MEIOB: variants seen among roughly 807,000 people sequenced by gnomAD.
The protein encoded by MEIOB is meiosis-specific with OB domain-containing protein.
MEIOB carries 50 observed loss-of-function variants against 53.1 expected under a neutral mutation model. The observed-to-expected ratio is 0.94, with a 90% CI of 0.75 to 1.19. The LOEUF (loss-of-function observed/expected upper bound fraction) is 1.19. MEIOB is among the 50% of genes most tolerant of loss of function. The pLI, the probability that MEIOB is intolerant of heterozygous loss-of-function variation, is 0.00. For missense variants in MEIOB, 551 were observed against 550.8 expected (o/e 1.00, Z 0.00); for synonymous variants, 192 against 182.5 (o/e 1.05, Z -0.42).
intron 9 of MEIOB, among the ~76,000 whole-genome samples, chr16:1,847,926 T>G (rs1374235307): frequency 6.6e-6 from 1 of 152,098 alleles, no homozygotes. Flanking sequence ...GTTTCCAAAG[T>G]AACAATCATG....
At position 1,845,711 on chromosome 16, in the gene MEIOB, T is replaced by C. The variant is rs138835601; in HGVS notation, c.779-748A>G. Reference sequence around the variant, plus strand: ...GTTTTCAAAAGGCAATTGAAATATATAAAATAGGCTCTATAAAAAGCCTAG... The same window carrying C: ...GTTTTCAAAAGGCAATTGAAATATACAAAATAGGCTCTATAAAAAGCCTAG... On this transcript the variant is annotated intron_variant, in intron 9 of 13. Transcript: ENST00000325962. 4.5e-4 allele frequency among the ~76,000 whole-genome samples: 69 copies of C among 152,230 alleles called. 1 individual carries two copies. Among genetic ancestry groups the C allele is most frequent in the African/African-American group, 1.5e-3 (61 of 41,536 alleles).
At chr16:1,846,335 G>GCGTTAT (rs1398586662) in intron 9 of MEIOB, among the ~76,000 whole-genome samples, 1 of 152,110 alleles carries the variant, frequency 6.6e-6, no homozygotes, top group Non-Finnish European at 1.5e-5. Context: ...ACTGACAATA[G>GCGTTAT]CGTTATCCTG....
chr16:1,856,503 T>C (rs914949126), intron 6 of MEIOB, among the ~76,000 whole-genome samples: 6 of 152,092 alleles, frequency 3.9e-5, no homozygotes, highest in Admixed American at 2.6e-4. Context: ...GTATTTTTAG[T>C]AGAGACGGGG....
chr16:1,861,115 A>G (rs1444869423), intron 4 of MEIOB, among the ~76,000 whole-genome samples: 1 of 152,208 alleles, frequency 6.6e-6, no homozygotes, highest in Non-Finnish European at 1.5e-5. Context: ...CAAGATTAAG[A>G]AATTTTCTCA....
chr16:1,855,931 CTTTTTT>C (rs34688365), intron 6 of MEIOB, among the ~76,000 whole-genome samples: 1 of 131,276 alleles, frequency 7.6e-6, no homozygotes, highest in Admixed American at 7.7e-5. Context: ...GTGTTTTTTC[CTTTTTT>C]TTTTTTTTTG....
At chr16:1,859,304 G>A (rs978457530) in intron 5 of MEIOB, among the ~76,000 whole-genome samples, 2 of 152,340 alleles carry the variant, frequency 1.3e-5, no homozygotes, top group Admixed American at 1.3e-4. Context: ...CCCTTTGGGA[G>A]GCCGAGGCGG....
intron 5 of MEIOB, among the ~76,000 whole-genome samples, chr16:1,858,773 T>C (rs1472178258): frequency 6.6e-6 from 1 of 152,304 alleles, no homozygotes; most frequent in African/African-American, 2.4e-5. Flanking sequence ...ATTATGAAAT[T>C]GGTATTTCTA....
chr16:1,845,630 T>G lies in MEIOB; in HGVS notation c.779-667A>C, dbSNP rs560906884. Among the ~76,000 whole-genome samples the G allele has an allele frequency of 6.8e-4, 104 of 152,316 alleles. 1 individual carries two copies. The highest frequency in any genetic ancestry group is 1.3e-3 in the Non-Finnish European group (87 of 68,022). Reference sequence around the variant, plus strand: ...TGATCTTTGTTTTCCTTGTTTATGTTTCTATATATTTTTTCTGAATTTTAT... The same window carrying G: ...TGATCTTTGTTTTCCTTGTTTATGTGTCTATATATTTTTTCTGAATTTTAT... On this transcript the variant is annotated intron_variant, in intron 9 of 13. Coordinates refer to ENST00000325962, the MANE Select transcript of MEIOB (RefSeq NM_001163560.3).
chr16:1,844,448 TA>T (rs1375120531), intron 10 of MEIOB, among the ~76,000 whole-genome samples: 1 of 151,750 alleles, frequency 6.6e-6, no homozygotes, highest in Non-Finnish European at 1.5e-5. Context: ...GTGTTTCTTT[TA>T]TTTTTTTATT....
At chr16:1,847,195 C>T (rs898872691) in intron 9 of MEIOB, among the ~76,000 whole-genome samples, 9 of 151,588 alleles carry the variant, frequency 5.9e-5, no homozygotes, top group Non-Finnish European at 8.8e-5. Flanking sequence ...GGCGCTGTGG[C>T]TCACGCCTGT....
At chr16:1,856,759 CTTTTTTT>C (rs3045430) in intron 6 of MEIOB, among the ~76,000 whole-genome samples, 3 of 84,216 alleles carry the variant, frequency 3.6e-5, no homozygotes, top group African/African-American at 5.4e-5. Flanking sequence ...CACGCCAGGC[CTTTTTTT>C]TTTTTTTTTT....
rs568285645 is a variant in MEIOB, at chr16:1,869,789, C to T, written c.-9-1605G>A. 2.6e-5 allele frequency among the ~76,000 whole-genome samples: 4 copies of T among 151,806 alleles called. No individual in the cohort carries two copies. In the East Asian group the frequency reaches 7.8e-4, roughly 29 times the overall value. On this transcript the variant is annotated intron_variant, in intron 1 of 13. Coordinates refer to ENST00000325962, the MANE Select transcript of MEIOB (RefSeq NM_001163560.3). Reference sequence around the variant, plus strand: ...TAAGGATTTAAATATATATTAGCATCAAGCTTACCTCAAAAAATACAGCAA... The same window carrying T: ...TAAGGATTTAAATATATATTAGCATTAAGCTTACCTCAAAAAATACAGCAA...
chr16:1,857,373 A>T (rs1899333765), intron 6 of MEIOB, among the ~76,000 whole-genome samples: 1 of 152,140 alleles, frequency 6.6e-6, no homozygotes, highest in African/African-American at 2.4e-5. Context: ...CCCTTAACTT[A>T]TTCAACTACG....
chr16:1,852,181 C>T lies in MEIOB; in HGVS notation c.778+858G>A, dbSNP rs564699882. ...ATTTACCTATTAGTCAATAATTTAG[C>T]ATCCAAGCAATAAAATCGATCTCTC... On this transcript the variant is annotated intron_variant, in intron 9 of 13. Transcript: ENST00000325962. 2.0e-5 allele frequency among the ~76,000 whole-genome samples: 3 copies of T among 151,746 alleles called. No individual in the cohort carries two copies. The East Asian group carries it at 5.8e-4, about 29-fold the overall frequency.
Position 1,863,388 on chromosome 16 carries a change from G to A in MEIOB, c.128-1272C>T, listed in dbSNP as rs1463528773. On this transcript the variant is annotated intron_variant, in intron 3 of 13. Coordinates refer to ENST00000325962, the MANE Select transcript of MEIOB (RefSeq NM_001163560.3). ...TTTTTTTTTAGTAAAAACGGGTTTCGTTTTTGTTTGTTTTTGAGACGGAGT... is the reference window on the plus strand; with the variant it reads ...TTTTTTTTTAGTAAAAACGGGTTTCATTTTTGTTTGTTTTTGAGACGGAGT... Among the ~76,000 whole-genome samples, 5 of 146,234 alleles carry A rather than the reference G, an allele frequency of 3.4e-5. No homozygotes were observed. In the South Asian group the frequency reaches 6.5e-4, roughly 19 times the overall value.
intron 9 of MEIOB, among the ~76,000 whole-genome samples, chr16:1,850,480 A>T (rs1204044256): frequency 6.6e-6 from 1 of 152,070 alleles, no homozygotes; most frequent in East Asian, 1.9e-4. Context: ...GGAGGCTGGA[A>T]CAGGAGAATC....
At chr16:1,853,333 T>C in intron 7 of MEIOB, 62 bp from the exon 8 acceptor site, 2 of 1,267,712 alleles carry the variant, frequency 1.6e-6, no homozygotes, top group South Asian at 1.3e-5. Flanking sequence ...GATAGTGACA[T>C]ATTATTTACA....
rs147926712 is a variant in MEIOB at position 1,853,494 on chromosome 16, T to C, written c.630-223A>G. On this transcript the variant is annotated intron_variant, in intron 7 of 13. Transcript: ENST00000325962. ...AACACACACTCTCCTCTAGTAATACTCTGCTCTGCCAATTCTTAATTTATT... is the reference window on the plus strand; with the variant it reads ...AACACACACTCTCCTCTAGTAATACCCTGCTCTGCCAATTCTTAATTTATT... Among the ~76,000 whole-genome samples, 60 of 152,340 alleles carry C rather than the reference T, an allele frequency of 3.9e-4. No homozygotes were observed. In the East Asian group the frequency reaches 0.011, roughly 27 times the overall value.
chr16:1,837,206 T>G (rs1184510946), intron 13 of MEIOB, among the ~76,000 whole-genome samples: 2 of 150,068 alleles, frequency 1.3e-5, no homozygotes. Context: ...CAAATTTAAT[T>G]AACCTCTGCA....
Sources: gnomAD v4.1 joint callset for allele counts (sites outside exome capture counted in the v4.1 genomes callset) on GRCh38, gnomAD v4.1.1 for gene constraint, MANE v1.5 for transcripts, NCBI Gene and HGNC (gene_info 2026-07-23, HGNC 2026-07-21) for gene names.